STXBP4: variants seen among roughly 807,000 people sequenced by gnomAD.
The protein encoded by STXBP4 is syntaxin-binding protein 4.
Under a neutral mutation model 76.1 loss-of-function variants are expected in STXBP4, and 55 were observed. That is an observed-to-expected ratio of 0.72 (90% confidence interval 0.58 to 0.91). STXBP4 has a LOEUF of 0.91. Ranked by LOEUF, STXBP4 falls within the 40% of genes least tolerant of loss-of-function variation. The pLI is 0.00. For synonymous variants in STXBP4, 201 were observed against 220.2 expected (o/e 0.91, Z 0.77); for missense variants, 618 against 636.9 (o/e 0.97, Z 0.32).
rs369683827 is a variant in STXBP4 at position 54,991,061 on chromosome 17, A to G, written c.180+104A>G. On this transcript the variant is annotated intron_variant, in intron 4 of 17. Transcript: ENST00000376352. Reference sequence around the variant, plus strand: ...TAGTGAATTTATATCCACTGTGACCATACCTCAGTGAAAAATACAAAGGAA... The same window carrying G: ...TAGTGAATTTATATCCACTGTGACCGTACCTCAGTGAAAAATACAAAGGAA... The G allele has an allele frequency of 1.5e-3, 1,846 of 1,243,300 alleles. 61 individuals are homozygous for G. The South Asian group carries it at 0.041, about 28-fold the overall frequency. 77.0% of individuals were successfully genotyped at this position (1,243,300 alleles called of 1,614,324 possible). A position where few individuals can be genotyped will look rare whatever the true frequency, so the allele number is the denominator to read the frequency against.
intron 3 of STXBP4, 142 bp downstream of exon 3, chr17:54,986,408 T>G (rs2077627701): frequency 1.7e-6 from 1 of 604,500 alleles, no homozygotes; most frequent in South Asian, 2.2e-5. Context: ...AAGTAATACG[T>G]TGAATTACCT....
chr17:55,041,996 T>C (rs2078706814), intron 10 of STXBP4, among the ~76,000 whole-genome samples: 1 of 152,044 alleles, frequency 6.6e-6, no homozygotes, highest in African/African-American at 2.4e-5. Context: ...GAGAGCAGAG[T>C]AACAGAGACA....
downstream of STXBP4, among the ~76,000 whole-genome samples, chr17:55,174,658 C>T (rs1393148234): frequency 2.0e-5 from 3 of 152,128 alleles, no homozygotes; most frequent in African/African-American, 7.2e-5. Context: ...ACCTATATAC[C>T]AGTTTACACA....
intron 1 of STXBP4, among the ~76,000 whole-genome samples, chr17:54,972,966 C>G (rs942389306): frequency 2.6e-5 from 4 of 152,146 alleles, no homozygotes; most frequent in African/African-American, 9.7e-5. Flanking sequence ...ATATGCTGCC[C>G]ACTGGACACC....
At chr17:55,098,614 GC>G (rs1488347374) in intron 16 of STXBP4, among the ~76,000 whole-genome samples, 7 of 152,166 alleles carry the variant, frequency 4.6e-5, no homozygotes, top group African/African-American at 1.7e-4. Flanking sequence ...GCAGGAGTGT[GC>G]CTGATGTGTT....
chr17:55,121,790 G>A (rs1266199785), intron 16 of STXBP4, among the ~76,000 whole-genome samples: 1 of 151,764 alleles, frequency 6.6e-6, no homozygotes, highest in Non-Finnish European at 1.5e-5. Context: ...TTCTGCTTGG[G>A]GAAACTTTTA....
chr17:55,005,517 G>A (rs1276328404), intron 7 of STXBP4, among the ~76,000 whole-genome samples: 2 of 152,182 alleles, frequency 1.3e-5, no homozygotes, highest in Non-Finnish European at 1.5e-5. Flanking sequence ...TTCACTGTTA[G>A]AGATAGCAAA....
chr17:55,029,881 A>G (rs927103078), intron 8 of STXBP4, among the ~76,000 whole-genome samples: 7 of 152,142 alleles, frequency 4.6e-5, no homozygotes, highest in African/African-American at 7.2e-5. Context: ...AGTGGCTGAC[A>G]AATAGTAGGC....
At chr17:55,112,879 G>A (rs2079736734) in intron 16 of STXBP4, among the ~76,000 whole-genome samples, 2 of 152,102 alleles carry the variant, frequency 1.3e-5, no homozygotes, top group Admixed American at 1.3e-4. Flanking sequence ...AACTCATGGA[G>A]AAGGGAATTT....
chr17:55,103,504 C>G (rs748665642), intron 16 of STXBP4, among the ~76,000 whole-genome samples: 2 of 151,370 alleles, frequency 1.3e-5, no homozygotes, highest in African/African-American at 2.4e-5. Context: ...TCTTTTGGTA[C>G]CAGTATTATG....
At chr17:55,185,239 TCTTCTTCTTCTCCTTCTCCTTCTC>T in the STXBP4 span, among the ~76,000 whole-genome samples, 1 of 46,302 alleles carries the variant, frequency 2.2e-5, no homozygotes, top group Admixed American at 1.9e-4. Flanking sequence ...TTCTTCTTCT[TCTTCTTCTTCTCCTTCTCCTTCTC>T]CTTCTCCTTC....
intron 16 of STXBP4, among the ~76,000 whole-genome samples, chr17:55,084,892 A>G (rs1175871419): frequency 6.6e-6 from 1 of 152,164 alleles, no homozygotes; most frequent in Non-Finnish European, 1.5e-5. Context: ...TCATGCTGCT[A>G]TAAAGACACA....
In STXBP4 at chr17:55,043,245, T is replaced by C; in HGVS notation, c.865T>C (p.Cys289Arg). ...ATTTTAATGTTGATAGCTTCTTCCT[T>C]GTGATTCTTCAGAAGCAGATGAAAT... ...SNILDSQLLP[C>R]DSSEADEMER... Residue 289 changes from cysteine (C) to arginine (R), a missense_variant, in exon 11 of 18, where the codon TGT (cysteine) becomes CGT (arginine). Cys to Arg is a radical substitution (Grantham distance 180). Coordinates refer to ENST00000376352, the MANE Select transcript of STXBP4 (RefSeq NM_178509.6). The C allele has an allele frequency of 6.7e-7, 1 of 1,503,238 alleles. No homozygotes were observed. The highest frequency in any genetic ancestry group is 8.9e-7 in the Non-Finnish European group (1 of 1,126,034). 93.1% of individuals were successfully genotyped at this position (1,503,238 alleles called of 1,614,324 possible).
intron 12 of STXBP4, among the ~76,000 whole-genome samples, chr17:55,066,746 A>G (rs1290620225): frequency 1.3e-5 from 2 of 152,150 alleles, no homozygotes; most frequent in Non-Finnish European, 1.5e-5. Flanking sequence ...ATGGTGGCTC[A>G]CACCTGTAAT....
chr17:55,135,935 C>T (rs2080023944), intron 16 of STXBP4, among the ~76,000 whole-genome samples: 1 of 152,090 alleles, frequency 6.6e-6, no homozygotes. Context: ...AGAAGCAACA[C>T]CACAGTGCTT....
intron 11 of STXBP4, 67 bp from the exon 12 acceptor site, chr17:55,047,022 G>A: frequency 1.1e-6 from 1 of 890,930 alleles, no homozygotes; most frequent in Non-Finnish European, 1.8e-6. Context: ...TTGAAACAAG[G>A]GACTAAGAAG....
chr17:54,997,396 T>C (rs1292792629), intron 4 of STXBP4, among the ~76,000 whole-genome samples: 1 of 151,862 alleles, frequency 6.6e-6, no homozygotes, highest in African/African-American at 2.4e-5. Flanking sequence ...CAGTGTACTT[T>C]AATACAAGAT....
At chr17:55,185,224 TCTTCTTCTTCTTCTTCTTCTTCTTCTC>T in the STXBP4 span, among the ~76,000 whole-genome samples, 3 of 56,872 alleles carry the variant, frequency 5.3e-5, no homozygotes, top group Middle Eastern at 6.4e-3. Flanking sequence ...TTCTTCTTCT[TCTTCTTCTTCTTCTTCTTCTTCTTCTC>T]CTTCTCCTTC....
downstream of STXBP4, among the ~76,000 whole-genome samples, chr17:55,178,017 T>C (rs2080437280): frequency 6.6e-6 from 1 of 152,216 alleles, no homozygotes; most frequent in Non-Finnish European, 1.5e-5. Flanking sequence ...TTGTGCAGAA[T>C]TTTAAATGTC....
Sources: allele counts gnomAD v4.1 joint callset (sites outside exome capture counted in the v4.1 genomes callset), GRCh38; gene constraint gnomAD v4.1.1; transcripts MANE v1.5; gene names NCBI Gene and HGNC (gene_info 2026-07-23, HGNC 2026-07-21).